Variants in NAV2 observed in about 807,000 individuals in gnomAD.
NAV2 encodes neuron navigator 2.
NAV2 carries 54 observed loss-of-function variants against 223.2 expected under a neutral mutation model. That is an observed-to-expected ratio of 0.24 (90% confidence interval 0.19 to 0.30). NAV2 has a LOEUF of 0.30. Ranked by LOEUF, NAV2 falls within the 10% of genes least tolerant of loss-of-function variation. The probability of loss-of-function intolerance (pLI) is 1.00; values close to 1 mark genes in which losing one functional copy is unlikely to be tolerated. For synonymous variants in NAV2, 1,279 were observed against 1,239.3 expected (o/e 1.03, Z -0.67); for missense variants, 2,806 against 3,147.5 (o/e 0.89, Z 2.60).
At chr11:19,648,584 T>C (rs552302883) in intron 1 of NAV2, among the ~76,000 whole-genome samples, 5 of 152,324 alleles carry the variant, frequency 3.3e-5, no homozygotes, top group Admixed American at 1.3e-4. Flanking sequence ...TTATGTTTGT[T>C]GGGTGCTGGC....
chr11:19,482,622 A>T (rs533705961), intron 1 of NAV2, among the ~76,000 whole-genome samples: 1 of 152,338 alleles, frequency 6.6e-6, no homozygotes, highest in Admixed American at 6.5e-5. Flanking sequence ...CGCCCTCCCC[A>T]ATAGTCTTTG....
intron 17 of NAV2, 95 bp from the exon 18 acceptor site, chr11:20,053,984 TA>T: frequency 8.0e-7 from 1 of 1,244,648 alleles, no homozygotes; most frequent in Non-Finnish European, 1.1e-6. Context: ...TCTTCGGATA[TA>T]TGTTTTCTTT....
In NAV2 at chr11:19,933,543, G is replaced by C; in HGVS notation, c.1299G>C (p.Leu433=). The C allele has an allele frequency of 6.2e-7, 1 of 1,609,606 alleles. No individual in the cohort carries two copies. The highest frequency in any genetic ancestry group is 1.1e-5 in the South Asian group (1 of 90,690). Residue 433 remains leucine (L), a synonymous_variant, in exon 7 of 38, where the codon CTG becomes CTC. Coordinates refer to ENST00000349880, the MANE Select transcript of NAV2 (RefSeq NM_145117.5). The surrounding 1 kb of genome is among the most constrained non-coding windows in gnomAD (Gnocchi z 4.3). ...RDTSCERLET[L]PSFEESEELE... The stretch of plus-strand genomic sequence containing the variant: ...CAAGCTGTGAGCGGCTGGAGACTCT[G>C]CCCAGCTTCGAAGAGAGCGAGGAGC...
At chr11:19,906,071 G>A (rs2042840430) in intron 6 of NAV2, among the ~76,000 whole-genome samples, 1 of 152,114 alleles carries the variant, frequency 6.6e-6, no homozygotes, top group Non-Finnish European at 1.5e-5. Flanking sequence ...CCAGCTTCAG[G>A]GGGTCTCGGC....
At chr11:19,959,953 C>G (rs773746115) in intron 10 of NAV2, among the ~76,000 whole-genome samples, 1 of 152,202 alleles carries the variant, frequency 6.6e-6, no homozygotes, top group African/African-American at 2.4e-5. Flanking sequence ...GCAGCATCAA[C>G]AAAACACAGC....
At chr11:20,006,599 C>T (rs1056795980) in intron 11 of NAV2, among the ~76,000 whole-genome samples, 2 of 152,006 alleles carry the variant, frequency 1.3e-5, no homozygotes. Context: ...CACTTGAACC[C>T]GGGAGGCGGA....
chr11:19,865,091 A>G (rs1300634943), intron 3 of NAV2, among the ~76,000 whole-genome samples: 2 of 152,222 alleles, frequency 1.3e-5, no homozygotes, highest in East Asian at 3.8e-4. Context: ...AGTAGTTTAT[A>G]TTGGCCACTA....
chr11:19,424,019 T>C (rs1184890035), intron 1 of NAV2, among the ~76,000 whole-genome samples: 2 of 152,176 alleles, frequency 1.3e-5, no homozygotes, highest in African/African-American at 4.8e-5. Context: ...CCATTTCCTT[T>C]GAAAGGGAGT....
chr11:19,479,916 G>T (rs566343775), intron 1 of NAV2, among the ~76,000 whole-genome samples: 1 of 152,208 alleles, frequency 6.6e-6, no homozygotes, highest in South Asian at 2.1e-4. Flanking sequence ...GGCTCATGCT[G>T]TAGGGCAGAT....
chr11:19,364,059 C>T (rs903803735), intron 1 of NAV2, among the ~76,000 whole-genome samples: 1 of 152,148 alleles, frequency 6.6e-6, no homozygotes, highest in Admixed American at 6.5e-5. Context: ...GCCCCTCTCC[C>T]CTCCCCAGAG....
chr11:19,369,145 A>C (rs1224592616), intron 1 of NAV2, among the ~76,000 whole-genome samples: 1 of 152,196 alleles, frequency 6.6e-6, no homozygotes, highest in Non-Finnish European at 1.5e-5. Context: ...GGGTCCTTGG[A>C]GGTTTCAGCA....
chr11:20,013,261 C>T (rs764431601), intron 11 of NAV2, among the ~76,000 whole-genome samples: 36 of 152,166 alleles, frequency 2.4e-4, no homozygotes, highest in Admixed American at 2.2e-3. Context: ...GAGTCTCTGG[C>T]GCGCTGTTGG....
At chr11:19,636,769 C>A (rs552156059) in intron 1 of NAV2, among the ~76,000 whole-genome samples, 1 of 152,156 alleles carries the variant, frequency 6.6e-6, no homozygotes, top group Non-Finnish European at 1.5e-5. Flanking sequence ...CGCACCCGGC[C>A]GAGTTCTGCA....
intron 1 of NAV2, among the ~76,000 whole-genome samples, chr11:19,647,894 T>C (rs1009161853): frequency 1.3e-5 from 2 of 152,212 alleles, no homozygotes; most frequent in Non-Finnish European, 2.9e-5. Context: ...ATGTTAGAAC[T>C]TTTACATTAA....
chr11:19,655,315 A>C (rs891530922), intron 1 of NAV2, among the ~76,000 whole-genome samples: 2 of 152,238 alleles, frequency 1.3e-5, no homozygotes, highest in Admixed American at 1.3e-4. Context: ...TAGTTCAACC[A>C]TTGTGGAAGT....
At chr11:19,956,287 C>T (rs1038512077) in intron 10 of NAV2, among the ~76,000 whole-genome samples, 8 of 152,158 alleles carry the variant, frequency 5.3e-5, no homozygotes, top group African/African-American at 1.9e-4. Flanking sequence ...TCAATTCGGA[C>T]ACAATCTACC....
At chr11:20,000,284 C>G (rs2052413676) in intron 11 of NAV2, among the ~76,000 whole-genome samples, 1 of 152,208 alleles carries the variant, frequency 6.6e-6, no homozygotes, top group Non-Finnish European at 1.5e-5. Flanking sequence ...GGTCTTGAAA[C>G]AGAACATGAA....
Position 20,103,235 on chromosome 11 carries a change from G to A in NAV2, c.6418-20G>A. ...TGCATTCACCCACTTGTTCTCCTTC[G>A]GCCTTCCTGGCCACCATAGGAATTG... On this transcript the variant is annotated intron_variant, in intron 32 of 37. Coordinates refer to ENST00000349880, the MANE Select transcript of NAV2 (RefSeq NM_145117.5). 2 of 1,602,266 alleles carry A rather than the reference G, an allele frequency of 1.2e-6. No homozygotes were observed. The highest frequency in any genetic ancestry group is 1.7e-6 in the Non-Finnish European group (2 of 1,173,232).
chr11:19,926,956 C>G (rs191827840), intron 6 of NAV2, among the ~76,000 whole-genome samples: 18 of 152,298 alleles, frequency 1.2e-4, no homozygotes, highest in African/African-American at 3.1e-4. Context: ...AGTGTCCGCC[C>G]TCACTGAAGG....
Sources: allele counts gnomAD v4.1 joint callset (sites outside exome capture counted in the v4.1 genomes callset), GRCh38; gene constraint gnomAD v4.1.1; non-coding constraint Gnocchi (gnomAD v3.1); transcripts MANE v1.5; gene names NCBI Gene and HGNC (gene_info 2026-07-23, HGNC 2026-07-21).